Variants in ATP2A3 observed in about 807,000 individuals in gnomAD.
The protein encoded by ATP2A3 is sarcoplasmic/endoplasmic reticulum calcium ATPase 3.
In ATP2A3, 61 loss-of-function variants were observed where a neutral mutation model predicts 106.8. The ratio of observed to expected loss-of-function variants is 0.57; its 90% CI spans 0.46 to 0.71. The LOEUF is 0.71. Ranked by LOEUF, ATP2A3 falls within the 30% of genes least tolerant of loss-of-function variation. The pLI is 0.00. For synonymous variants in ATP2A3, 611 were observed against 609.3 expected, an observed-to-expected ratio of 1.00 and a Z score of -0.04; for missense variants, 1,201 against 1,423.5, an observed-to-expected ratio of 0.84 and a Z score of 2.52.
At chr17:3,934,983 G>T in intron 17 of ATP2A3, 1 of 598,064 alleles carries the variant, frequency 1.7e-6, no homozygotes, top group Admixed American at 2.7e-5. Context: ...ACTGGGATGG[G>T]GAGGCGCCTT....
chr17:3,964,386 G>C lies in ATP2A3; in HGVS notation c.-95C>G, dbSNP rs1305281451. On this transcript the variant is annotated 5_prime_UTR_variant, in exon 1 of 21. Coordinates refer to ENST00000397041, the MANE Select transcript of ATP2A3 (RefSeq NM_005173.4). Reference sequence around the variant, plus strand: ...GGGCGCGGGGGACTCGGGCCCGGGCGGGCGCCGCGCGAGGCCATGTCCGTG... The same window carrying C: ...GGGCGCGGGGGACTCGGGCCCGGGCCGGCGCCGCGCGAGGCCATGTCCGTG... 3.0e-6 allele frequency: 2 copies of C among 659,922 alleles called. No homozygotes were observed. Among genetic ancestry groups the C allele is most frequent in the African/African-American group, 4.1e-5 (2 of 49,346 alleles). The allele number at this position is 659,922 out of a possible 1,614,324, so 40.9% of individuals were successfully genotyped here.
intron 7 of ATP2A3, among the ~76,000 whole-genome samples, chr17:3,949,486 C>T (rs2144618373): frequency 6.6e-6 from 1 of 152,300 alleles, no homozygotes; most frequent in East Asian, 1.9e-4. Flanking sequence ...TTTGGCAGAC[C>T]TCCTTCCTCT....
chr17:3,944,678 A>G, intron 10 of ATP2A3, 26 bp downstream of exon 10: 1 of 1,605,808 alleles, frequency 6.2e-7, no homozygotes, highest in Non-Finnish European at 8.5e-7. Flanking sequence ...GATACTAGGG[A>G]GGTCATGAAA....
Position 3,956,846 on chromosome 17 carries a change from C to A in ATP2A3, c.119-3136G>T, listed in dbSNP as rs531093173. ...CTTCCTCCGCAAAGCTCCCCTCTCA[C>A]CCCGCCCACCTGGGGAGGCCTGACC... On this transcript the variant is annotated intron_variant, in intron 1 of 20. Coordinates refer to ENST00000397041, the MANE Select transcript of ATP2A3 (RefSeq NM_005173.4). 5.9e-5 allele frequency among the ~76,000 whole-genome samples: 9 copies of A among 152,360 alleles called. No homozygotes were observed. The South Asian group carries it at 1.9e-3, about 32-fold the overall frequency.
intron 17 of ATP2A3, among the ~76,000 whole-genome samples, chr17:3,932,073 C>T (rs1026771371): frequency 6.6e-6 from 1 of 152,184 alleles, no homozygotes; most frequent in Non-Finnish European, 1.5e-5. Context: ...CGATAGTGGA[C>T]GTTTTCTCCA....
Position 3,941,719 on chromosome 17 carries a change from C to T in ATP2A3, c.1546-65G>A. The T allele has an allele frequency of 4.6e-6, 7 of 1,536,236 alleles. No homozygotes were observed. In the South Asian group the frequency reaches 6.8e-5, roughly 15 times the overall value. ...CAGAACCCCTCCTCTCCTTCCTGCC[C>T]AAACTCAGGAAACTGAGACTAAGAT... On this transcript the variant is annotated intron_variant, in intron 12 of 20. Transcript: ENST00000397041.
At chr17:3,932,135 A>ATTTTGTTTTGTTTTG (rs58002787) in intron 17 of ATP2A3, among the ~76,000 whole-genome samples, 3 of 151,486 alleles carry the variant, frequency 2.0e-5, no homozygotes, top group African/African-American at 7.3e-5. Context: ...TTTTCTTTTT[A>ATTTTGTTTTGTTTTG]TTTTGTTTTG....
rs1367983198 is a variant in ATP2A3 at position 3,964,382 on chromosome 17, G to T, written c.-91C>A. ...AGCGGGGCGCGGGGGACTCGGGCCC[G>T]GGCGGGCGCCGCGCGAGGCCATGTC... On this transcript the variant is annotated 5_prime_UTR_variant, in exon 1 of 21. Coordinates refer to ENST00000397041, the MANE Select transcript of ATP2A3 (RefSeq NM_005173.4). 7.1e-6 allele frequency: 5 copies of T among 703,506 alleles called. No homozygotes were observed. Among genetic ancestry groups the T allele is most frequent in the East Asian group, 7.6e-5 (1 of 13,084 alleles). The allele number at this position is 703,506 out of a possible 1,614,324, so 43.6% of individuals were successfully genotyped here. A position where few individuals can be genotyped will look rare whatever the true frequency, so the allele number is the denominator to read the frequency against.
chr17:3,954,761 C>G (rs924706954), intron 1 of ATP2A3, among the ~76,000 whole-genome samples: 2 of 151,982 alleles, frequency 1.3e-5, no homozygotes, highest in Admixed American at 6.6e-5. Flanking sequence ...TCCCAAAGTG[C>G]TGGGATTACA....
chr17:3,935,869 C>A (rs2053414988), intron 16 of ATP2A3, among the ~76,000 whole-genome samples: 1 of 152,138 alleles, frequency 6.6e-6, no homozygotes, highest in African/African-American at 2.4e-5. Flanking sequence ...AAGTGATCTG[C>A]CCACCTCGGC....
rs562176921 is a variant in ATP2A3, at chr17:3,942,547, G to A, written c.1545+59C>T. On this transcript the variant is annotated intron_variant, in intron 12 of 20. Transcript: ENST00000397041. Reference sequence around the variant, plus strand: ...GGAGGACTGGGGCTCACAGAGGAGCGTGGATGACCAGGTTCCCCAGGGCGC... The same window carrying A: ...GGAGGACTGGGGCTCACAGAGGAGCATGGATGACCAGGTTCCCCAGGGCGC... The A allele has an allele frequency of 1.2e-3, 1,880 of 1,591,366 alleles. 33 individuals carry two copies. The South Asian group carries it at 0.02, about 17-fold the overall frequency.
rs1463639857 is a variant in ATP2A3, at chr17:3,935,193, A to T, written c.2609T>A (p.Leu870Gln). The change falls in exon 17 of 21, where the codon CTG becomes CAG. Residue 870 changes from leucine (L) to glutamine (Q), a missense_variant and splice_region_variant. Coordinates refer to ENST00000397041, the MANE Select transcript of ATP2A3 (RefSeq NM_005173.4). Reference sequence around the variant, plus strand: ...GCTCCCTGGCCAGCCCTTGCTCACCAGCTGGTAGAAGTTGATGTGAGGTCC... The same window carrying T: ...GCTCCCTGGCCAGCCCTTGCTCACCTGCTGGTAGAAGTTGATGTGAGGTCC... ...AEGPHINFYQ[L>Q]RNFLKCSEDN... 6.2e-7 allele frequency: 1 copy of T among 1,614,078 alleles called. No homozygotes were observed. Among genetic ancestry groups the T allele is most frequent in the Admixed American group, 1.7e-5 (1 of 60,024 alleles).
chr17:3,951,622 T>G lies in ATP2A3; in HGVS notation c.283A>C (p.Met95Leu). Residue 95 changes from methionine to leucine, a missense_variant, in exon 4 of 21, where the codon ATG (methionine) becomes CTG (leucine). Physicochemically the swap from Met to Leu is conservative, Grantham distance 15. Transcript: ENST00000397041. ...ATGGCGTTGGCCACGAGGATCAGCA[T>G]GATGACCAGGGGCTCCACGAAGGCG... is the stretch of plus-strand genomic sequence containing the variant. ...TTAFVEPLVIMLILVANAIVG... is the reference protein window; with the variant it reads ...TTAFVEPLVILLILVANAIVG... 6.7e-7 allele frequency: 1 copy of G among 1,498,856 alleles called. No individual in the cohort carries two copies. The allele number at this position is 1,498,856 out of a possible 1,614,324, so 92.8% of individuals were successfully genotyped here.
Position 3,951,243 on chromosome 17 carries a change from C to T in ATP2A3, c.463+8G>A, listed in dbSNP as rs760298761. ...AAAATAAAATAAAAGGAGGAGGCCC[C>T]GGCATACCTGCCACTTCTACAATGT... On this transcript the variant is annotated splice_region_variant and intron_variant, in intron 5 of 20. Transcript: ENST00000397041. 4.8e-5 allele frequency: 74 copies of T among 1,551,578 alleles called. No individual in the cohort carries two copies. Among genetic ancestry groups the T allele is most frequent in the East Asian group, 1.9e-4 (8 of 41,516 alleles).
In ATP2A3 at chr17:3,953,698, T is replaced by G; in HGVS notation, c.131A>C (p.Glu44Ala). Residue 44 changes from glutamate to alanine, a missense_variant, in exon 2 of 21, where the codon GAG becomes GCG. Physicochemically the swap from Glu to Ala is moderately radical, Grantham distance 107 (BLOSUM62 -1). This residue lies in a region of ATP2A3 where 266 missense variants were observed against 246.8 expected (regional missense o/e 1.08). Coordinates refer to ENST00000397041, the MANE Select transcript of ATP2A3 (RefSeq NM_005173.4). This position sits in a 1 kb window ranked among gnomAD's most constrained non-coding sequence, Gnocchi z 5.1. ...CATCCCGGTGCCAGCCTCACCTTCC[T>G]CACTCGGGAGCTCTGCAGGATCCAG... ...ERYGPNELPS[E>A]EGKSLWELVL... The G allele has an allele frequency of 6.4e-7, 1 of 1,568,278 alleles. No individual in the cohort carries two copies. The highest frequency in any genetic ancestry group is 8.6e-7 in the Non-Finnish European group (1 of 1,156,554).
chr17:3,930,463 G>C lies in ATP2A3; in HGVS notation c.2611-29C>G, dbSNP rs1389640237. Reference sequence around the variant, plus strand: ...GGGGCACCGTGGCAGGTCAGAGAGAGCGGCAGGTCAGGCGAGGGGCTGGTG... The same window carrying C: ...GGGGCACCGTGGCAGGTCAGAGAGACCGGCAGGTCAGGCGAGGGGCTGGTG... On this transcript the variant is annotated intron_variant, in intron 17 of 20. Coordinates refer to ENST00000397041, the MANE Select transcript of ATP2A3 (RefSeq NM_005173.4). This position sits in a 1 kb window ranked among gnomAD's most constrained non-coding sequence, Gnocchi z 5.4. 1 of 1,612,822 alleles carries C rather than the reference G, an allele frequency of 6.2e-7. No homozygotes were observed. The highest frequency in any genetic ancestry group is 1.7e-5 in the Admixed American group (1 of 59,994).
At position 3,944,806 on chromosome 17, in the gene ATP2A3, C is replaced by T. The variant is rs1402986277; in HGVS notation, c.1185G>A (p.Val395=). Residue 395 remains valine (V), a splice_region_variant and synonymous_variant, in exon 10 of 21, where the codon GTG becomes GTA. Transcript: ENST00000397041. ...SGTTYTPEGE[V]RQGDQPVRCG... is the part of the protein sequence containing the mutation. ...AGCGCACAGGCTGATCCCCCTGCCG[C>T]CTGCGGAGCCGGGGCGGTCACCAGG... 1 of 1,608,304 alleles carries T rather than the reference C, an allele frequency of 6.2e-7. No individual in the cohort carries two copies. Among genetic ancestry groups the T allele is most frequent in the East Asian group, 2.2e-5 (1 of 44,772 alleles).
chr17:3,946,932 A>G (rs1292526948), intron 8 of ATP2A3, among the ~76,000 whole-genome samples: 1 of 152,256 alleles, frequency 6.6e-6, no homozygotes, highest in Non-Finnish European at 1.5e-5. Flanking sequence ...CAGGGAATGA[A>G]TAATTCCTGC....
At position 3,936,316 on chromosome 17, in the gene ATP2A3, T is replaced by C; in HGVS notation, c.2475A>G (p.Arg825=). The C allele has an allele frequency of 6.2e-7, 1 of 1,613,996 alleles. No homozygotes were observed. Among genetic ancestry groups the C allele is most frequent in the South Asian group, 1.1e-5 (1 of 91,066 alleles). ...DIMEKLPRSP[R]EALISGWLFF... ...AGAGCCAGCCACTGATGAGGGCTTCTCGGGGGCTCCGGGGCAGCTTCTCCA... is the reference window on the plus strand; with the variant it reads ...AGAGCCAGCCACTGATGAGGGCTTCCCGGGGGCTCCGGGGCAGCTTCTCCA... The change falls in exon 16 of 21, where the codon CGA becomes CGG. Residue 825 remains arginine, a synonymous_variant. Coordinates refer to ENST00000397041, the MANE Select transcript of ATP2A3 (RefSeq NM_005173.4). The surrounding 1 kb of genome is among the most constrained non-coding windows in gnomAD (Gnocchi z 5.4).
Sources: allele counts gnomAD v4.1 joint callset (sites outside exome capture counted in the v4.1 genomes callset), GRCh38; gene constraint gnomAD v4.1.1; regional missense constraint gnomAD v4.1.1; non-coding constraint Gnocchi (gnomAD v3.1); transcripts MANE v1.5; gene names NCBI Gene and HGNC (gene_info 2026-07-23, HGNC 2026-07-21).